MAP3K7CL: variants seen among roughly 807,000 people sequenced by gnomAD.
MAP3K7CL encodes MAP3K7 C-terminal like.
Under a neutral mutation model 18.6 loss-of-function variants are expected in MAP3K7CL, and 16 were observed. That is an observed-to-expected ratio of 0.86 (90% CI 0.58 to 1.31). MAP3K7CL has a LOEUF of 1.31. MAP3K7CL is among the 50% of genes most tolerant of loss of function. The pLI is 0.00. For missense variants in MAP3K7CL, 163 were observed against 174.4 expected, an observed-to-expected ratio of 0.93 and a Z score of 0.37; for synonymous variants, 65 against 66.8, an observed-to-expected ratio of 0.97 and a Z score of 0.13.
intron 4 of MAP3K7CL, among the ~76,000 whole-genome samples, chr21:29,106,233 C>T (rs968357408): frequency 6.6e-6 from 1 of 152,130 alleles, no homozygotes; most frequent in Non-Finnish European, 1.5e-5. Context: ...GTCGCCCAGG[C>T]TGGAGTACAG....
chr21:29,148,878 T>C (rs978447165), intron 2 of MAP3K7CL, among the ~76,000 whole-genome samples: 10 of 152,202 alleles, frequency 6.6e-5, no homozygotes, highest in Admixed American at 6.5e-4. Flanking sequence ...TTGTTTCATA[T>C]CATATTTTTT....
chr21:29,106,831 C>T (rs1017918529), intron 4 of MAP3K7CL, among the ~76,000 whole-genome samples: 1 of 152,160 alleles, frequency 6.6e-6, no homozygotes, highest in South Asian at 2.1e-4. Context: ...ACTCTCCGCC[C>T]CTAGCCCCAT....
intron 4 of MAP3K7CL, among the ~76,000 whole-genome samples, chr21:29,114,999 G>A (rs183456927): frequency 6.6e-5 from 10 of 152,296 alleles, no homozygotes; most frequent in Non-Finnish European, 1.2e-4. Flanking sequence ...GTTTTCTTTA[G>A]TATTTGATCC....
intron 4 of MAP3K7CL, among the ~76,000 whole-genome samples, chr21:29,166,429 G>A (rs1214921076): frequency 1.3e-5 from 2 of 152,180 alleles, no homozygotes; most frequent in Non-Finnish European, 2.9e-5. Context: ...TGGACACGTA[G>A]GTTGATCCTA....
chr21:29,159,825 T>TAAA, intron 3 of MAP3K7CL, 116 bp from the exon 4 acceptor site: 3 of 611,382 alleles, frequency 4.9e-6, no homozygotes, highest in Admixed American at 3.0e-5. Flanking sequence ...GTTCTCACGT[T>TAAA]AAAAAAAAAA....
At chr21:29,096,415 T>C (rs1452549245) in intron 4 of MAP3K7CL, among the ~76,000 whole-genome samples, 1 of 152,068 alleles carries the variant, frequency 6.6e-6, no homozygotes, top group Non-Finnish European at 1.5e-5. Context: ...AGGTTGATGA[T>C]AGGGAAAGCA....
intron 3 of MAP3K7CL, among the ~76,000 whole-genome samples, chr21:29,153,459 A>G (rs1170119415): frequency 1.3e-5 from 2 of 152,062 alleles, no homozygotes; most frequent in Non-Finnish European, 2.9e-5. Context: ...TTTCTTTTTT[A>G]TGTTTTGAGA....
At chr21:29,157,656 A>G (rs1379180205) in intron 3 of MAP3K7CL, among the ~76,000 whole-genome samples, 6 of 152,180 alleles carry the variant, frequency 3.9e-5, no homozygotes, top group Non-Finnish European at 8.8e-5. Context: ...CTATCATCAC[A>G]TATGCTTAGT....
At chr21:29,122,452 G>A (rs1054205705) in intron 4 of MAP3K7CL, among the ~76,000 whole-genome samples, 2 of 152,206 alleles carry the variant, frequency 1.3e-5, no homozygotes, top group African/African-American at 4.8e-5. Flanking sequence ...CAGGTTGCAC[G>A]AACGAATTGA....
chr21:29,096,000 CTTA>C (rs1469018502), intron 4 of MAP3K7CL, among the ~76,000 whole-genome samples: 1 of 152,138 alleles, frequency 6.6e-6, no homozygotes, highest in Non-Finnish European at 1.5e-5. Flanking sequence ...AGCTCAGAAG[CTTA>C]TTATTGATTT....
chr21:29,090,734 A>T (rs547153262), intron 1 of MAP3K7CL, among the ~76,000 whole-genome samples: 75 of 150,772 alleles, frequency 5.0e-4, no homozygotes, highest in African/African-American at 1.8e-3. Context: ...TGGAGCCAGG[A>T]TCATCAAGCC....
chr21:29,134,451 G>T (rs1488736820), intron 2 of MAP3K7CL, among the ~76,000 whole-genome samples: 2 of 152,210 alleles, frequency 1.3e-5, no homozygotes, highest in Non-Finnish European at 2.9e-5. Flanking sequence ...ACCATTGCAG[G>T]CTTGGGGTTA....
chr21:29,152,877 TTTTG>T (rs1171023050), intron 3 of MAP3K7CL, among the ~76,000 whole-genome samples: 3 of 152,236 alleles, frequency 2.0e-5, no homozygotes, highest in East Asian at 1.9e-4. Flanking sequence ...TGGAAACTTT[TTTTG>T]TTTGTTTCTG....
At chr21:29,154,001 T>G (rs748912864) in intron 3 of MAP3K7CL, among the ~76,000 whole-genome samples, 1 of 152,220 alleles carries the variant, frequency 6.6e-6, no homozygotes, top group Non-Finnish European at 1.5e-5. Context: ...CTAATAAGAA[T>G]GACAATGACC....
At chr21:29,113,222 T>C (rs2832187) in intron 4 of MAP3K7CL, among the ~76,000 whole-genome samples, 78,828 of 152,074 alleles carry the variant, frequency 0.52, 20,553 homozygotes, top group East Asian at 0.64. Context: ...AAATTCTTTT[T>C]CTTCATAATT....
At chr21:29,092,409 G>A in intron 3 of MAP3K7CL, 1 of 1,612,612 alleles carries the variant, frequency 6.2e-7, no homozygotes, top group South Asian at 1.1e-5. Flanking sequence ...GTCTCATCAT[G>A]ACTTTGATTT....
intron 4 of MAP3K7CL, among the ~76,000 whole-genome samples, chr21:29,110,384 C>T (rs62222397): frequency 0.03 from 4,496 of 152,014 alleles, 104 homozygotes; most frequent in Middle Eastern, 0.099. Context: ...TCCTGTTGCT[C>T]CGTTTTTTAT....
chr21:29,113,879 A>C (rs2086461535), intron 4 of MAP3K7CL, among the ~76,000 whole-genome samples: 1 of 152,024 alleles, frequency 6.6e-6, no homozygotes, highest in African/African-American at 2.4e-5. Flanking sequence ...AGTGTTGCTC[A>C]TATGGTTCTG....
At chr21:29,162,311 CTT>C (rs146989290) in intron 4 of MAP3K7CL, among the ~76,000 whole-genome samples, 1 of 142,672 alleles carries the variant, frequency 7.0e-6, no homozygotes. Flanking sequence ...TTATGTGTAG[CTT>C]TTTTTTTTTT....
Sources: allele counts gnomAD v4.1 joint callset (sites outside exome capture counted in the v4.1 genomes callset), GRCh38; gene constraint gnomAD v4.1.1; transcripts MANE v1.5; gene names NCBI Gene and HGNC (gene_info 2026-07-23, HGNC 2026-07-21).